The following APBB2 variants were observed in gnomAD, a reference collection of about 807,000 sequenced individuals.
The protein encoded by APBB2 is amyloid beta precursor protein binding family B member 2, also known as Fe65-like 1.
A neutral mutation model predicts 82.5 loss-of-function variants in APBB2; 38 were observed. The observed-to-expected ratio is 0.46, with a 90% confidence interval of 0.36 to 0.60. APBB2 has a LOEUF of 0.60. Ranked by LOEUF, APBB2 falls within the 20% of genes least tolerant of loss-of-function variation. The pLI is 0.00. For synonymous variants in APBB2, 341 were observed against 368.2 expected, an observed-to-expected ratio of 0.93 and a Z score of 0.85; for missense variants, 772 against 972.3, an observed-to-expected ratio of 0.79 and a Z score of 2.74.
chr4:40,948,307 G>C (rs1214462300), intron 6 of APBB2, among the ~76,000 whole-genome samples: 1 of 152,146 alleles, frequency 6.6e-6, no homozygotes, highest in Non-Finnish European at 1.5e-5. Flanking sequence ...ATTTAGGCTG[G>C]ACGCAGTGGT....
intron 10 of APBB2, among the ~76,000 whole-genome samples, chr4:40,910,467 G>C (rs1047869379): frequency 6.6e-6 from 1 of 152,030 alleles, no homozygotes; most frequent in African/African-American, 2.4e-5. Context: ...TTCAACTCCT[G>C]GGCTCAACAG....
chr4:40,840,214 C>G (rs1460937961), intron 12 of APBB2, among the ~76,000 whole-genome samples: 2 of 152,098 alleles, frequency 1.3e-5, no homozygotes, highest in Non-Finnish European at 2.9e-5. Flanking sequence ...AGCATGAGAT[C>G]CAAAATAGAA....
At chr4:40,946,862 C>T (rs538679958) in intron 6 of APBB2, among the ~76,000 whole-genome samples, 14 of 152,264 alleles carry the variant, frequency 9.2e-5, no homozygotes, top group African/African-American at 2.2e-4. Context: ...GCAGGCATCA[C>T]GGGAGCAGAG....
At chr4:41,045,976 A>C (rs1723251789) in intron 4 of APBB2, among the ~76,000 whole-genome samples, 1 of 150,916 alleles carries the variant, frequency 6.6e-6, no homozygotes, top group Middle Eastern at 3.2e-3. Context: ...TTTTTTTAAT[A>C]ATGAGCATGA....
At chr4:40,984,433 T>C (rs115150174) in intron 6 of APBB2, among the ~76,000 whole-genome samples, 185 of 152,208 alleles carry the variant, frequency 1.2e-3, no homozygotes, top group African/African-American at 4.0e-3. Flanking sequence ...TTTTGGGATT[T>C]TGAAAGAAGT....
intron 1 of APBB2, among the ~76,000 whole-genome samples, chr4:41,211,046 G>C (rs888095245): frequency 2.0e-4 from 30 of 152,244 alleles, no homozygotes; most frequent in African/African-American, 7.2e-4. Flanking sequence ...CCTGAGGTCA[G>C]GACTTGGAGA....
chr4:40,895,588 C>T (rs1773445801), intron 10 of APBB2, among the ~76,000 whole-genome samples: 1 of 152,236 alleles, frequency 6.6e-6, no homozygotes, highest in South Asian at 2.1e-4. Context: ...CACAGAAGCA[C>T]TCCACCAAAC....
chr4:40,833,551 G>C (rs1752810745), intron 12 of APBB2, among the ~76,000 whole-genome samples: 1 of 119,044 alleles, frequency 8.4e-6, no homozygotes, highest in Non-Finnish European at 1.9e-5. Context: ...CAAAGAAGAG[G>C]TCGTTATATC....
chr4:41,016,747 C>T (rs1810077119), intron 5 of APBB2, among the ~76,000 whole-genome samples: 1 of 151,700 alleles, frequency 6.6e-6, no homozygotes, highest in Non-Finnish European at 1.5e-5. Context: ...CTTCTGCTTG[C>T]TAGAAATAAT....
intron 5 of APBB2, among the ~76,000 whole-genome samples, chr4:41,023,559 T>A (rs923506100): frequency 1.3e-5 from 2 of 151,888 alleles, no homozygotes; most frequent in African/African-American, 4.8e-5. Context: ...GGGAGCCAAA[T>A]CAGAAACACA....
chr4:41,179,830 A>C (rs961721080), intron 1 of APBB2, among the ~76,000 whole-genome samples: 2 of 152,248 alleles, frequency 1.3e-5, no homozygotes, highest in Non-Finnish European at 2.9e-5. Context: ...AAAGAACTAC[A>C]AAGGGTTAAT....
intron 1 of APBB2, among the ~76,000 whole-genome samples, chr4:41,170,554 C>T (rs1361237845): frequency 6.6e-6 from 1 of 152,142 alleles, no homozygotes; most frequent in Non-Finnish European, 1.5e-5. Flanking sequence ...TTCTACAATA[C>T]AAAATAGCTG....
At chr4:40,834,170 T>C (rs1180344622) in intron 12 of APBB2, among the ~76,000 whole-genome samples, 4 of 151,940 alleles carry the variant, frequency 2.6e-5, no homozygotes, top group Non-Finnish European at 5.9e-5. Context: ...GGCTAATAGA[T>C]TAGGGAGGCA....
intron 1 of APBB2, among the ~76,000 whole-genome samples, chr4:41,200,294 A>T (rs1245089050): frequency 1.3e-5 from 2 of 152,232 alleles, no homozygotes; most frequent in African/African-American, 4.8e-5. Context: ...GTATTCTATT[A>T]CCCTGACTGA....
At chr4:40,960,837 G>C (rs548479393) in intron 6 of APBB2, among the ~76,000 whole-genome samples, 30 of 152,074 alleles carry the variant, frequency 2.0e-4, no homozygotes, top group African/African-American at 7.0e-4. Flanking sequence ...TTGGAAACAT[G>C]GCCACCCGAT....
chr4:40,856,719 T>C (rs918332243), intron 12 of APBB2, among the ~76,000 whole-genome samples: 8 of 152,152 alleles, frequency 5.3e-5, no homozygotes, highest in African/African-American at 1.9e-4. Context: ...CATCAATGAA[T>C]AGCCCACCCC....
chr4:40,841,972 G>A (rs561217116), intron 12 of APBB2, among the ~76,000 whole-genome samples: 8 of 152,160 alleles, frequency 5.3e-5, no homozygotes, highest in Non-Finnish European at 1.0e-4. Flanking sequence ...GAGCCACCAC[G>A]CCCGGCCATG....
At chr4:41,168,056 G>C (rs1580574062) in intron 1 of APBB2, among the ~76,000 whole-genome samples, 1 of 152,200 alleles carries the variant, frequency 6.6e-6, no homozygotes, top group East Asian at 2.0e-4. Context: ...GGATCACGAG[G>C]TCAGGAGATG....
At chr4:41,196,386 T>C in intron 1 of APBB2, among the ~76,000 whole-genome samples, 2 of 152,186 alleles carry the variant, frequency 1.3e-5, no homozygotes, top group African/African-American at 2.4e-5. Context: ...AATAAACACA[T>C]GCTGGATGAA....
Sources: gnomAD v4.1 joint callset for allele counts (sites outside exome capture counted in the v4.1 genomes callset) on GRCh38, gnomAD v4.1.1 for gene constraint, MANE v1.5 for transcripts, NCBI Gene and HGNC (gene_info 2026-07-23, HGNC 2026-07-21) for gene names.